SMOC2: variants seen among roughly 807,000 people sequenced by gnomAD.
The protein encoded by SMOC2 is SPARC related modular calcium binding 2, also known as SPARC-related modular calcium-binding protein 2.
A neutral mutation model predicts 61.4 loss-of-function variants in SMOC2; 39 were observed. That is an observed-to-expected ratio of 0.64 (90% CI 0.49 to 0.83). The LOEUF is 0.83. Ranked by LOEUF, SMOC2 falls within the 40% of genes least tolerant of loss-of-function variation. The pLI, the probability that SMOC2 is intolerant of heterozygous loss-of-function variation, is 0.00. For synonymous variants in SMOC2, 247 were observed against 239.9 expected, an observed-to-expected ratio of 1.03 and a Z score of -0.27; for missense variants, 556 against 592.9, an observed-to-expected ratio of 0.94 and a Z score of 0.65.
intron 8 of SMOC2, among the ~76,000 whole-genome samples, chr6:168,605,405 A>T (rs536708871): frequency 6.6e-6 from 1 of 152,162 alleles, no homozygotes; most frequent in Non-Finnish European, 1.5e-5. Flanking sequence ...GTTTTTCCTT[A>T]TACAAATAAG....
chr6:168,510,277 T>TTTA (rs1782975745), intron 2 of SMOC2, among the ~76,000 whole-genome samples, 191 bp downstream of exon 2: 1 of 152,266 alleles, frequency 6.6e-6, no homozygotes, highest in Admixed American at 6.5e-5. Flanking sequence ...ACTTGTCTAA[T>TTTA]ATTCTTTTCT....
In SMOC2 at chr6:168,608,157, G is replaced by T. The variant is rs1195956393; in HGVS notation, c.825G>T (p.Arg275Ser). 1 of 1,613,480 alleles carries T rather than the reference G, an allele frequency of 6.2e-7. No homozygotes were observed. Among genetic ancestry groups the T allele is most frequent in the Non-Finnish European group, 8.5e-7 (1 of 1,179,850 alleles). ...TCCCCCGCCTTCCCCCCGCCCATAGGTACGAGCAGCCGAAATGTGACAACA... is the reference window on the plus strand; with the variant it reads ...TCCCCCGCCTTCCCCCCGCCCATAGTTACGAGCAGCCGAAATGTGACAACA... ...TGRPIPGTST[R>S]YEQPKCDNTA... The change falls in exon 9 of 13, where the codon AGG (arginine) becomes AGT (serine). Residue 275 changes from arginine (R) to serine (S), a missense_variant and splice_region_variant. Coordinates refer to ENST00000356284, the MANE Select transcript of SMOC2 (RefSeq NM_001166412.2).
chr6:168,521,540 G>C (rs1377279480), intron 2 of SMOC2, among the ~76,000 whole-genome samples: 2 of 152,144 alleles, frequency 1.3e-5, no homozygotes, highest in Non-Finnish European at 2.9e-5. Flanking sequence ...TCATCCAACA[G>C]GTAGAAATAA....
At chr6:168,509,225 G>A (rs1782950071) in intron 1 of SMOC2, among the ~76,000 whole-genome samples, 2 of 152,206 alleles carry the variant, frequency 1.3e-5, no homozygotes, top group South Asian at 2.1e-4. Context: ...TGGGAACTGC[G>A]GAGCACACAT....
chr6:168,528,811 A>T (rs977918213), intron 4 of SMOC2, among the ~76,000 whole-genome samples: 3 of 152,248 alleles, frequency 2.0e-5, no homozygotes, highest in African/African-American at 7.2e-5. Flanking sequence ...TAGTTAAGCT[A>T]ACATGTATAC....
At chr6:168,476,862 G>T (rs1374376675) in intron 1 of SMOC2, among the ~76,000 whole-genome samples, 2 of 152,106 alleles carry the variant, frequency 1.3e-5, no homozygotes, top group Non-Finnish European at 2.9e-5. Flanking sequence ...ACATATTATA[G>T]AATTAGCGTT....
At chr6:168,462,683 A>C (rs1297394570) in intron 1 of SMOC2, among the ~76,000 whole-genome samples, 1 of 152,122 alleles carries the variant, frequency 6.6e-6, no homozygotes, top group African/African-American at 2.4e-5. Context: ...CTTTGCAGAG[A>C]TATTTAGGGA....
At chr6:168,467,067 T>C (rs1364500876) in intron 1 of SMOC2, among the ~76,000 whole-genome samples, 1 of 151,708 alleles carries the variant, frequency 6.6e-6, no homozygotes, top group Non-Finnish European at 1.5e-5. Flanking sequence ...GAACTCCACG[T>C]TTCGGGAGCT....
intron 4 of SMOC2, among the ~76,000 whole-genome samples, chr6:168,534,904 G>A (rs191104789): frequency 6.6e-6 from 1 of 152,230 alleles, no homozygotes; most frequent in Admixed American, 6.5e-5. Flanking sequence ...GAAGTAAATG[G>A]CCCCAATTTG....
chr6:168,652,352 C>T (rs1787217033), intron 10 of SMOC2, among the ~76,000 whole-genome samples: 1 of 152,304 alleles, frequency 6.6e-6, no homozygotes, highest in Non-Finnish European at 1.5e-5. Flanking sequence ...CAGGGGCCAG[C>T]ACCTCCAGGA....
At chr6:168,634,460 G>C (rs1786659798) in intron 9 of SMOC2, among the ~76,000 whole-genome samples, 1 of 152,138 alleles carries the variant, frequency 6.6e-6, no homozygotes, top group Admixed American at 6.5e-5. Context: ...ATTTAAGAGT[G>C]GGTCATAGGT....
intron 8 of SMOC2, among the ~76,000 whole-genome samples, chr6:168,601,618 T>A (rs913788844): frequency 2.0e-5 from 3 of 152,312 alleles, no homozygotes; most frequent in Admixed American, 2.0e-4. Flanking sequence ...TGCATATAAG[T>A]TGGGGCAGCC....
At chr6:168,517,921 GGAGCGC>G (rs1554286362) in intron 2 of SMOC2, among the ~76,000 whole-genome samples, 1 of 152,226 alleles carries the variant, frequency 6.6e-6, no homozygotes, top group Non-Finnish European at 1.5e-5. Flanking sequence ...TGAGGGCGCC[GGAGCGC>G]GAGCCTGGGC....
intron 1 of SMOC2, among the ~76,000 whole-genome samples, chr6:168,449,685 T>C (rs1161693385): frequency 1.3e-5 from 2 of 152,202 alleles, no homozygotes; most frequent in African/African-American, 4.8e-5. Flanking sequence ...AAACCGTGCA[T>C]GGCCATTCTT....
At chr6:168,517,550 C>A (rs559972171) in intron 2 of SMOC2, among the ~76,000 whole-genome samples, 7 of 152,372 alleles carry the variant, frequency 4.6e-5, no homozygotes, top group African/African-American at 1.7e-4. Context: ...AGCTCTCGGG[C>A]TCTGAGGCCA....
At chr6:168,630,230 C>A (rs1270754062) in intron 9 of SMOC2, among the ~76,000 whole-genome samples, 3 of 152,218 alleles carry the variant, frequency 2.0e-5, no homozygotes, top group African/African-American at 7.2e-5. Flanking sequence ...GAAGCCTGTC[C>A]TGTTGCGGGA....
At chr6:168,604,210 G>T (rs1785629198) in intron 8 of SMOC2, among the ~76,000 whole-genome samples, 1 of 152,222 alleles carries the variant, frequency 6.6e-6, no homozygotes, top group African/African-American at 2.4e-5. Context: ...AGAGGACACA[G>T]GAGCCCATCT....
chr6:168,501,036 A>G (rs1782715834), intron 1 of SMOC2, among the ~76,000 whole-genome samples: 1 of 152,194 alleles, frequency 6.6e-6, no homozygotes, highest in African/African-American at 2.4e-5. Flanking sequence ...GACTTGTACA[A>G]TCTACCTTGT....
rs117359915 is a variant in SMOC2 at position 168,452,327 on chromosome 6, A to G, written c.84+10873A>G. 1.6e-3 allele frequency among the ~76,000 whole-genome samples: 240 copies of G among 152,328 alleles called. 6 individuals are homozygous for G. In the East Asian group the frequency reaches 0.038, roughly 24 times the overall value. ...ACATATCAGATAAGAGTATCATGTT[A>G]TTGAAGCAGAATTTTGGTTTTAAAA... On this transcript the variant is annotated intron_variant, in intron 1 of 12. Coordinates refer to ENST00000356284, the MANE Select transcript of SMOC2 (RefSeq NM_001166412.2). The surrounding 1 kb of genome is among the most constrained non-coding windows in gnomAD (Gnocchi z 5.0).
Sources: allele counts gnomAD v4.1 joint callset (sites outside exome capture counted in the v4.1 genomes callset), GRCh38; gene constraint gnomAD v4.1.1; non-coding constraint Gnocchi (gnomAD v3.1); transcripts MANE v1.5; gene names NCBI Gene and HGNC (gene_info 2026-07-23, HGNC 2026-07-21).